The following RPTOR variants were observed in gnomAD, a reference collection of about 807,000 sequenced individuals.
RPTOR encodes regulatory associated protein of MTOR complex 1.
RPTOR carries 21 observed loss-of-function variants against 169.9 expected under a neutral mutation model. That is an observed-to-expected ratio of 0.12 (90% CI 0.09 to 0.18). The LOEUF (loss-of-function observed/expected upper bound fraction) is 0.18, where lower values mean the gene tolerates loss of function less well. RPTOR is among the 10% of genes least tolerant of loss of function. The probability of loss-of-function intolerance (pLI) is 1.00; values close to 1 mark genes in which losing one functional copy is unlikely to be tolerated. For missense variants in RPTOR, 1,133 were observed against 1,855.9 expected (o/e 0.61, Z 7.16); for synonymous variants, 732 against 753.2 (o/e 0.97, Z 0.46).
chr17:80,898,761 G>A (rs999356487), intron 20 of RPTOR, among the ~76,000 whole-genome samples: 5 of 144,814 alleles, frequency 3.5e-5, no homozygotes, highest in Admixed American at 1.4e-4. Flanking sequence ...TGCTCACCCC[G>A]CCGTCTCCGT....
intron 14 of RPTOR, 123 bp from the exon 15 acceptor site, chr17:80,883,296 C>T: frequency 2.4e-6 from 2 of 838,646 alleles, no homozygotes; most frequent in East Asian, 2.5e-5. Context: ...GTAAAGCTGG[C>T]TCTCGTTACT....
intron 7 of RPTOR, among the ~76,000 whole-genome samples, chr17:80,816,091 G>A (rs2067320370): frequency 6.6e-6 from 1 of 152,262 alleles, no homozygotes; most frequent in Non-Finnish European, 1.5e-5. Context: ...GCTTTCCTTT[G>A]TCCTGCATAA....
chr17:80,650,297 G>A (rs190273413), intron 3 of RPTOR, among the ~76,000 whole-genome samples: 233 of 152,350 alleles, frequency 1.5e-3, no homozygotes, highest in African/African-American at 5.0e-3. Flanking sequence ...AAGAGCACGC[G>A]TGTTGACTAG....
chr17:80,890,867 G>A (rs7219912), intron 17 of RPTOR, among the ~76,000 whole-genome samples: 2,544 of 152,252 alleles, frequency 0.017, 69 homozygotes, highest in African/African-American at 0.058. Context: ...CTGGTCCCTG[G>A]TGGGCGCCCA....
intron 1 of RPTOR, among the ~76,000 whole-genome samples, chr17:80,590,476 G>A (rs1347944071): frequency 1.3e-5 from 2 of 151,050 alleles, no homozygotes; most frequent in East Asian, 3.9e-4. Flanking sequence ...AAGTAGGCAT[G>A]CAGGTATGCG....
intron 7 of RPTOR, chr17:80,805,701 A>G (rs1397576864): frequency 6.6e-6 from 1 of 152,158 alleles, no homozygotes; most frequent in Admixed American, 6.5e-5. Context: ...GCTTTTCATT[A>G]TGTCATCAAC....
chr17:80,921,033 C>T (rs1317502743), intron 21 of RPTOR, among the ~76,000 whole-genome samples: 2 of 152,200 alleles, frequency 1.3e-5, no homozygotes, highest in Non-Finnish European at 2.9e-5. Flanking sequence ...GTTCCATTTT[C>T]TTGCTATTTG....
intron 7 of RPTOR, among the ~76,000 whole-genome samples, chr17:80,814,262 T>C (rs1598324646): frequency 6.6e-6 from 1 of 152,250 alleles, no homozygotes; most frequent in Non-Finnish European, 1.5e-5. Flanking sequence ...ACGTAAATTG[T>C]ATGTTTTCCG....
chr17:80,788,581 C>G (rs1298332112), intron 6 of RPTOR, among the ~76,000 whole-genome samples: 1 of 152,148 alleles, frequency 6.6e-6, no homozygotes, highest in Non-Finnish European at 1.5e-5. Flanking sequence ...GTTCTTGTTT[C>G]TTTGAATGTG....
intron 1 of RPTOR, among the ~76,000 whole-genome samples, chr17:80,556,892 G>A (rs555190498): frequency 1.3e-5 from 2 of 152,138 alleles, no homozygotes; most frequent in African/African-American, 4.8e-5. Flanking sequence ...TCAGGAGTTC[G>A]AGACCAGCCT....
intron 31 of RPTOR, among the ~76,000 whole-genome samples, chr17:80,961,958 TC>T (rs1568013714): frequency 6.6e-6 from 1 of 152,274 alleles, no homozygotes; most frequent in East Asian, 1.9e-4. Flanking sequence ...GATGCTCTTT[TC>T]CCCCTTGTTT....
At chr17:80,922,876 C>T (rs920041931) in intron 22 of RPTOR, 49 bp downstream of exon 22, 8 of 1,485,296 alleles carry the variant, frequency 5.4e-6, no homozygotes, top group African/African-American at 2.8e-5. Context: ...GACCGGGGCC[C>T]CACGGGCTGA....
At chr17:80,717,313 C>CTT (rs1445977978) in intron 4 of RPTOR, among the ~76,000 whole-genome samples, 1 of 152,176 alleles carries the variant, frequency 6.6e-6, no homozygotes, top group African/African-American at 2.4e-5. Context: ...ATAACAAGGT[C>CTT]TTTGTTCTAT....
At chr17:80,815,841 C>T (rs975822852) in intron 7 of RPTOR, among the ~76,000 whole-genome samples, 3 of 146,534 alleles carry the variant, frequency 2.0e-5, no homozygotes, top group African/African-American at 7.7e-5. Flanking sequence ...CCACGTGCCC[C>T]GTCAATCAGG....
chr17:80,963,042 C>CT lies in RPTOR; in HGVS notation c.3926dup (p.His1310ProfsTer30). The CT allele has an allele frequency of 6.4e-7, 1 of 1,571,752 alleles. No individual in the cohort carries two copies. Among genetic ancestry groups the CT allele is most frequent in the Non-Finnish European group, 8.7e-7 (1 of 1,155,450 alleles). On this transcript the variant is annotated frameshift_variant, in exon 33 of 34. Coordinates refer to ENST00000306801, the MANE Select transcript of RPTOR (RefSeq NM_020761.3). LOFTEE classifies it high-confidence loss of function. ...GGGTCGGCGCCATCAGCTGCCTGGCCTTCCACCCGCACTGGGTCAGTGTGG... is the reference window on the plus strand; with the variant it reads ...GGGTCGGCGCCATCAGCTGCCTGGCCTTTCCACCCGCACTGGGTCAGTGTGG...
chr17:80,851,526 C>T (rs2067793378), intron 11 of RPTOR, among the ~76,000 whole-genome samples: 1 of 152,212 alleles, frequency 6.6e-6, no homozygotes, highest in Admixed American at 6.5e-5. Context: ...CTTAACCTTT[C>T]CGCCAATACT....
intron 6 of RPTOR, among the ~76,000 whole-genome samples, chr17:80,779,921 C>T (rs1039779110): frequency 6.6e-6 from 1 of 152,128 alleles, no homozygotes; most frequent in South Asian, 2.1e-4. Context: ...TCCTTAGCCC[C>T]CAGTTTTTGC....
rs796221975 is a variant in RPTOR at position 80,744,881 on chromosome 17, A to T, written c.655-9129A>T. On this transcript the variant is annotated intron_variant, in intron 5 of 33. Transcript: ENST00000306801. Reference sequence around the variant, plus strand: ...CTAGCACTGTCCTGGTTACGAGCACAGCCCTGGCTACTAGCACTGTCCTGG... The same window carrying T: ...CTAGCACTGTCCTGGTTACGAGCACTGCCCTGGCTACTAGCACTGTCCTGG... Among the ~76,000 whole-genome samples the T allele has an allele frequency of 3.4e-4, 26 of 75,420 alleles. 3 individuals are homozygous for T. Among genetic ancestry groups the T allele is most frequent in the South Asian group, 2.2e-3 (4 of 1,848 alleles). The allele number at this position is 75,420 out of a possible 152,430, so 49.5% of individuals were successfully genotyped here.
In RPTOR at chr17:80,894,764, C is replaced by CGTGT. The variant is rs367599427; in HGVS notation, c.2401+914_2401+917dup. 6.1e-3 allele frequency among the ~76,000 whole-genome samples: 926 copies of CGTGT among 150,756 alleles called. 5 individuals are homozygous for CGTGT. Among genetic ancestry groups the CGTGT allele is most frequent in the Non-Finnish European group, 0.01 (709 of 67,544 alleles). On this transcript the variant is annotated intron_variant, in intron 20 of 33. Transcript: ENST00000306801. ...TACAGAGACTTATATAAGAGCGCTG[C>CGTGT]GTGTGTGTGTGTGTGTGTTGTGTTC...
Sources: gnomAD v4.1 joint callset for allele counts (sites outside exome capture counted in the v4.1 genomes callset) on GRCh38, gnomAD v4.1.1 for gene constraint, MANE v1.5 for transcripts, NCBI Gene and HGNC (gene_info 2026-07-23, HGNC 2026-07-21) for gene names.